OPCML: variants seen among roughly 807,000 people sequenced by gnomAD.
The protein encoded by OPCML is opioid-binding protein/cell adhesion molecule.
In OPCML, 13 loss-of-function variants were observed where a neutral mutation model predicts 37.8. The observed-to-expected ratio is 0.34, with a 90% CI of 0.22 to 0.55. The LOEUF (loss-of-function observed/expected upper bound fraction) is 0.55. OPCML is among the 20% of genes least tolerant of loss of function. The pLI is 0.91. For synonymous variants in OPCML, 176 were observed against 168.8 expected, an observed-to-expected ratio of 1.04 and a Z score of -0.33; for missense variants, 341 against 435.6, an observed-to-expected ratio of 0.78 and a Z score of 1.93.
chr11:133,153,216 A>T (rs923107443), intron 1 of OPCML, among the ~76,000 whole-genome samples: 5 of 152,164 alleles, frequency 3.3e-5, no homozygotes, highest in Non-Finnish European at 5.9e-5. Flanking sequence ...GCAGCCAGAT[A>T]CCCAGAGGCG....
chr11:133,244,296 C>A (rs559339012), intron 1 of OPCML, among the ~76,000 whole-genome samples: 3 of 152,024 alleles, frequency 2.0e-5, no homozygotes, highest in Non-Finnish European at 4.4e-5. Context: ...CATGGACATA[C>A]CTCGAAGGGC....
At chr11:132,898,838 G>GCCC (rs57148567) in intron 2 of OPCML, among the ~76,000 whole-genome samples, 1 of 149,334 alleles carries the variant, frequency 6.7e-6, no homozygotes, top group African/African-American at 2.5e-5. Flanking sequence ...AGTTTAGACT[G>GCCC]CCCCCCCCAC....
At chr11:132,675,529 A>C (rs1213322397) in intron 2 of OPCML, among the ~76,000 whole-genome samples, 1 of 152,140 alleles carries the variant, frequency 6.6e-6, no homozygotes, top group Non-Finnish European at 1.5e-5. Context: ...TTACATATAG[A>C]AAATCATAAG....
chr11:133,004,921 C>T (rs1947077016), intron 1 of OPCML: 1 of 985,286 alleles, frequency 1.0e-6, no homozygotes. Context: ...TGGACTTCTC[C>T]ATTGCCTGCC....
chr11:133,193,867 C>T (rs1253930791), intron 1 of OPCML, among the ~76,000 whole-genome samples: 2 of 151,902 alleles, frequency 1.3e-5, no homozygotes, highest in African/African-American at 4.8e-5. Context: ...TTAAGAATTA[C>T]AATAATAACA....
intron 2 of OPCML, among the ~76,000 whole-genome samples, chr11:132,880,996 A>C (rs1373379196): frequency 6.6e-6 from 1 of 152,160 alleles, no homozygotes; most frequent in Non-Finnish European, 1.5e-5. Context: ...CACAGCAAAA[A>C]ATAGTGTTTT....
intron 2 of OPCML, among the ~76,000 whole-genome samples, chr11:132,861,766 C>T (rs1468387236): frequency 1.0e-4 from 15 of 149,944 alleles, no homozygotes; most frequent in Admixed American, 4.7e-4. Context: ...ACCCGGGAGG[C>T]GGAGCTTGCA....
At chr11:132,873,682 A>G (rs1474854043) in intron 2 of OPCML, among the ~76,000 whole-genome samples, 1 of 151,402 alleles carries the variant, frequency 6.6e-6, no homozygotes, top group Non-Finnish European at 1.5e-5. Context: ...GACATCAAAA[A>G]TTAACCTAGC....
intron 3 of OPCML, among the ~76,000 whole-genome samples, chr11:132,622,336 C>A (rs1939470337): frequency 6.6e-6 from 1 of 151,500 alleles, no homozygotes; most frequent in South Asian, 2.1e-4. Flanking sequence ...GGGCCTCTTA[C>A]AAAAGAGCAA....
In OPCML at chr11:133,414,133, C is replaced by G. The variant is rs542683342; in HGVS notation, c.61+118131G>C. ...TACAGCCTACTCTATATAAAGCACT[C>G]TGGTCCTTGCTCTGGGCATGGGCGC... On this transcript the variant is annotated intron_variant, in intron 1 of 7. Transcript: ENST00000524381. Among the ~76,000 whole-genome samples, 6 of 152,266 alleles carry G rather than the reference C, an allele frequency of 3.9e-5. No homozygotes were observed. In the South Asian group the frequency reaches 1.2e-3, roughly 32 times the overall value.
chr11:133,054,231 C>T (rs1301136590), intron 1 of OPCML, among the ~76,000 whole-genome samples: 2 of 152,184 alleles, frequency 1.3e-5, no homozygotes, highest in African/African-American at 4.8e-5. Context: ...ATTGACAGAT[C>T]AGCTCATACT....
intron 3 of OPCML, among the ~76,000 whole-genome samples, chr11:132,654,707 ATCTTCCCCAAGAGAAGC>A (rs1270752077): frequency 7.4e-6 from 1 of 134,528 alleles, no homozygotes; most frequent in African/African-American, 2.9e-5. Flanking sequence ...CCAAAAGAAG[ATCTTCCCCAAGAGAAGC>A]TCTTCCCCAA....
chr11:132,494,728 T>C (rs924325758), intron 4 of OPCML, among the ~76,000 whole-genome samples: 6 of 152,306 alleles, frequency 3.9e-5, no homozygotes, highest in African/African-American at 1.4e-4. Flanking sequence ...ACAAATGGCC[T>C]ATAATATTTT....
chr11:132,776,024 G>C (rs1189085434), intron 2 of OPCML, among the ~76,000 whole-genome samples: 1 of 152,118 alleles, frequency 6.6e-6, no homozygotes, highest in East Asian at 1.9e-4. Context: ...TTGCCTCCTG[G>C]GTTCCAGTGA....
chr11:133,119,904 G>A (rs1041978442), intron 1 of OPCML, among the ~76,000 whole-genome samples: 8 of 152,160 alleles, frequency 5.3e-5, no homozygotes, highest in African/African-American at 1.9e-4. Flanking sequence ...AGGGCTGCAG[G>A]GAGAGAGGGG....
intron 1 of OPCML, among the ~76,000 whole-genome samples, chr11:133,338,766 T>A (rs1342771318): frequency 6.6e-6 from 1 of 152,000 alleles, no homozygotes; most frequent in Admixed American, 6.5e-5. Flanking sequence ...TGGAAAGGAG[T>A]GTGTCTGCTA....
chr11:132,761,853 G>A (rs1946277840), intron 2 of OPCML, among the ~76,000 whole-genome samples: 1 of 152,072 alleles, frequency 6.6e-6, no homozygotes. Flanking sequence ...TTCCATTGCT[G>A]GTGAGGAGTT....
At chr11:133,097,560 GA>G (rs1315974389) in intron 1 of OPCML, among the ~76,000 whole-genome samples, 1 of 151,948 alleles carries the variant, frequency 6.6e-6, no homozygotes, top group Non-Finnish European at 1.5e-5. Context: ...AATGAACAGA[GA>G]AAATCAATGA....
At chr11:132,932,552 CA>C (rs1945243315) in intron 2 of OPCML, among the ~76,000 whole-genome samples, 1 of 151,940 alleles carries the variant, frequency 6.6e-6, no homozygotes, top group East Asian at 1.9e-4. Flanking sequence ...AACATAGTCA[CA>C]TATTCAACAT....
Sources: gnomAD v4.1 joint callset for allele counts (sites outside exome capture counted in the v4.1 genomes callset) on GRCh38, gnomAD v4.1.1 for gene constraint, MANE v1.5 for transcripts, NCBI Gene and HGNC (gene_info 2026-07-23, HGNC 2026-07-21) for gene names.